The following BCL2L11 variants were observed in gnomAD, a reference collection of about 807,000 sequenced individuals.
BCL2L11 encodes the protein BCL2 like 11.
In BCL2L11, 15 loss-of-function variants were observed where a neutral mutation model predicts 20.6. The ratio of observed to expected loss-of-function variants is 0.73; its 90% confidence interval spans 0.49 to 1.12. The LOEUF is 1.12. Ranked by LOEUF, BCL2L11 falls within the 50% of genes most tolerant of loss-of-function variation. The pLI is 0.00. For synonymous variants in BCL2L11, 108 were observed against 92.8 expected, an observed-to-expected ratio of 1.16 and a Z score of -0.94; for missense variants, 292 against 260.9, an observed-to-expected ratio of 1.12 and a Z score of -0.82.
chr2:111,131,193 C>A (rs1235292377), intron 2 of BCL2L11, among the ~76,000 whole-genome samples: 2 of 109,156 alleles, frequency 1.8e-5, no homozygotes, highest in Non-Finnish European at 1.7e-5. Context: ...ACCATCTAGG[C>A]CAGGAGATTT....
rs2071784797 is a variant in BCL2L11 at position 111,123,691 on chromosome 2, T to C, written c.-13-42T>C. On this transcript the variant is annotated intron_variant, in intron 1 of 3. Transcript: ENST00000393256. Reference sequence around the variant, plus strand: ...GCTAATTTGTTTATTCATCGATTTTTTTTTTTGCTTAAAATAATCTTAGTT... The same window carrying C: ...GCTAATTTGTTTATTCATCGATTTTCTTTTTTGCTTAAAATAATCTTAGTT... 10 of 1,379,318 alleles carry C rather than the reference T, an allele frequency of 7.2e-6. No homozygotes were observed. In the East Asian group the frequency reaches 2.3e-4, roughly 32 times the overall value. The allele number at this position is 1,379,318 out of a possible 1,614,324, so 85.4% of individuals were successfully genotyped here. A position where few individuals can be genotyped will look rare whatever the true frequency, so the allele number is the denominator to read the frequency against.
chr2:111,123,003 C>T lies in BCL2L11; in HGVS notation c.-13-730C>T, dbSNP rs540465620. On this transcript the variant is annotated intron_variant, in intron 1 of 3. Transcript: ENST00000393256. ...GCGGCGCGCACCGGTGTCGCCTAGCCTGCGGACCTAGTTGTAGACCTTGCA... is the reference window on the plus strand; with the variant it reads ...GCGGCGCGCACCGGTGTCGCCTAGCTTGCGGACCTAGTTGTAGACCTTGCA... 1.0e-5 allele frequency: 10 copies of T among 984,918 alleles called. No individual in the cohort carries two copies. In the East Asian group the frequency reaches 6.8e-4, roughly 67 times the overall value. The allele number at this position is 984,918 out of a possible 1,614,324, so 61.0% of individuals were successfully genotyped here.
intron 3 of BCL2L11, among the ~76,000 whole-genome samples, chr2:111,156,082 C>T (rs1019076498): frequency 2.0e-4 from 31 of 152,336 alleles, no homozygotes; most frequent in African/African-American, 7.2e-4. Context: ...GGTAGTCACT[C>T]TTCTGTGAAT....
chr2:111,131,583 T>G (rs1051554081), intron 2 of BCL2L11: 1 of 152,188 alleles, frequency 6.6e-6, no homozygotes, highest in Non-Finnish European at 1.5e-5. Context: ...TATTATTAAA[T>G]TTATTGTTTA....
intron 2 of BCL2L11, among the ~76,000 whole-genome samples, chr2:111,129,777 G>A (rs904346135): frequency 6.6e-6 from 1 of 152,142 alleles, no homozygotes; most frequent in African/African-American, 2.4e-5. Flanking sequence ...CCACCTTTCT[G>A]TCTCTTCCTT....
At chr2:111,133,721 A>G (rs1453490843) in intron 2 of BCL2L11, among the ~76,000 whole-genome samples, 1 of 152,152 alleles carries the variant, frequency 6.6e-6, no homozygotes, top group East Asian at 1.9e-4. Flanking sequence ...AGTGTTCGTT[A>G]TATATACATC....
At chr2:111,155,355 A>G (rs1464352865) in intron 3 of BCL2L11, among the ~76,000 whole-genome samples, 1 of 152,124 alleles carries the variant, frequency 6.6e-6, no homozygotes, top group Non-Finnish European at 1.5e-5. Flanking sequence ...AAACTGTGTG[A>G]GCGCATGTAC....
intron 3 of BCL2L11, among the ~76,000 whole-genome samples, chr2:111,155,949 A>C (rs1441822722): frequency 6.6e-6 from 1 of 152,230 alleles, no homozygotes; most frequent in Admixed American, 6.5e-5. Flanking sequence ...ATTTTGATGG[A>C]AAGAATTTAA....
chr2:111,161,574 G>C (rs1383246127), intron 3 of BCL2L11: 2 of 1,524,706 alleles, frequency 1.3e-6, no homozygotes, highest in African/African-American at 2.8e-5. Flanking sequence ...CTTAGCCCAT[G>C]TTAGATGCGA....
intron 3 of BCL2L11, chr2:111,151,860 A>T (rs1266422785): frequency 5.2e-6 from 8 of 1,549,932 alleles, no homozygotes; most frequent in Non-Finnish European, 6.1e-6. Context: ...GACATAAACC[A>T]GTTCACAGAA....
At chr2:111,154,241 C>A (rs1392362344) in intron 3 of BCL2L11, among the ~76,000 whole-genome samples, 1 of 151,648 alleles carries the variant, frequency 6.6e-6, no homozygotes, top group African/African-American at 2.4e-5. Context: ...GGAGTAATCC[C>A]TTATGTAACC....
intron 2 of BCL2L11, among the ~76,000 whole-genome samples, chr2:111,149,498 G>A (rs1026443203): frequency 6.6e-6 from 1 of 152,172 alleles, no homozygotes; most frequent in Non-Finnish European, 1.5e-5. Flanking sequence ...TCTGAAGACA[G>A]CTGTCTGTAT....
intron 1 of BCL2L11, chr2:111,123,154 C>T (rs1171203160): frequency 1.0e-6 from 1 of 985,304 alleles, no homozygotes; most frequent in Non-Finnish European, 1.2e-6. Flanking sequence ...AGGGAGGGAG[C>T]ACGGGCGGAG....
intron 2 of BCL2L11, among the ~76,000 whole-genome samples, chr2:111,128,018 A>T (rs1434989116): frequency 2.0e-5 from 3 of 152,086 alleles, no homozygotes; most frequent in Non-Finnish European, 2.9e-5. Flanking sequence ...TGTTAAGTGC[A>T]CTTATTTTGT....
intron 2 of BCL2L11, among the ~76,000 whole-genome samples, chr2:111,132,960 A>G (rs908039972): frequency 6.6e-6 from 1 of 152,260 alleles, no homozygotes; most frequent in Non-Finnish European, 1.5e-5. Context: ...CCAATTGCAT[A>G]TAGAACATAC....
At chr2:111,128,505 T>C in intron 2 of BCL2L11, 1 of 1,286,056 alleles carries the variant, frequency 7.8e-7, no homozygotes, top group Non-Finnish European at 1.0e-6. Flanking sequence ...TTTTAATTTT[T>C]TGGGGAACCA....
At chr2:111,160,092 T>A (rs1252573583) in intron 3 of BCL2L11, among the ~76,000 whole-genome samples, 2 of 152,246 alleles carry the variant, frequency 1.3e-5, no homozygotes, top group African/African-American at 4.8e-5. Context: ...GAGATTATCT[T>A]TACTGAACTG....
At chr2:111,138,762 T>G (rs1181905052) in intron 2 of BCL2L11, among the ~76,000 whole-genome samples, 1 of 152,178 alleles carries the variant, frequency 6.6e-6, no homozygotes, top group Non-Finnish European at 1.5e-5. Flanking sequence ...GGAGCAGGTT[T>G]TGGGTCGGGT....
intron 2 of BCL2L11, chr2:111,128,779 C>T (rs974821069): frequency 6.5e-7 from 1 of 1,534,346 alleles, no homozygotes; most frequent in Non-Finnish European, 8.8e-7. Context: ...AGCCACCTCT[C>T]TCCCTCTTCC....
Sources: gnomAD v4.1 joint callset for allele counts (sites outside exome capture counted in the v4.1 genomes callset) on GRCh38, gnomAD v4.1.1 for gene constraint, MANE v1.5 for transcripts, NCBI Gene and HGNC (gene_info 2026-07-23, HGNC 2026-07-21) for gene names.